CNTN5: variants seen among roughly 807,000 people sequenced by gnomAD.
The protein encoded by CNTN5 is contactin 5.
In CNTN5, 77 loss-of-function variants were observed where a neutral mutation model predicts 129.1. The ratio of observed to expected loss-of-function variants is 0.60; its 90% CI spans 0.50 to 0.72. CNTN5 has a LOEUF of 0.72. CNTN5 is among the 30% of genes least tolerant of loss of function. The pLI, the probability that CNTN5 is intolerant of heterozygous loss-of-function variation, is 0.00. For missense variants in CNTN5, 1,478 were observed against 1,328.8 expected (o/e 1.11, Z -1.75); for synonymous variants, 509 against 465.6 (o/e 1.09, Z -1.20).
intron 17 of CNTN5, among the ~76,000 whole-genome samples, chr11:100,257,336 G>C (rs979279603): frequency 1.3e-5 from 2 of 152,150 alleles, no homozygotes; most frequent in Non-Finnish European, 2.9e-5. Flanking sequence ...AGCACCAGGG[G>C]GAAGGGGCAG....
chr11:99,766,583 A>T (rs1944763329), intron 3 of CNTN5, among the ~76,000 whole-genome samples: 1 of 152,084 alleles, frequency 6.6e-6, no homozygotes, highest in Admixed American at 6.6e-5. Context: ...AGGTTGAGTT[A>T]CTTCAAGAGT....
intron 8 of CNTN5, among the ~76,000 whole-genome samples, chr11:99,963,773 A>T (rs1364700110): frequency 6.6e-6 from 1 of 152,176 alleles, no homozygotes; most frequent in Non-Finnish European, 1.5e-5. Context: ...CACAATATTG[A>T]TTCTTCCTAC....
intron 3 of CNTN5, among the ~76,000 whole-genome samples, chr11:99,656,939 C>T (rs990573168): frequency 3.7e-5 from 3 of 80,084 alleles, no homozygotes; most frequent in Admixed American, 1.7e-4. Context: ...TTAACCCAGA[C>T]ATTTTGAAAA....
chr11:99,799,502 C>T (rs1040915697), intron 3 of CNTN5, among the ~76,000 whole-genome samples: 2 of 151,746 alleles, frequency 1.3e-5, no homozygotes, highest in African/African-American at 4.8e-5. Context: ...CTTTTGAGAT[C>T]ATCATGTCGT....
intron 3 of CNTN5, among the ~76,000 whole-genome samples, chr11:99,614,569 G>A (rs1950699086): frequency 6.6e-6 from 1 of 152,148 alleles, no homozygotes; most frequent in Non-Finnish European, 1.5e-5. Flanking sequence ...GGGTTGGGAG[G>A]AGTTAGAGCT....
intron 9 of CNTN5, among the ~76,000 whole-genome samples, chr11:100,036,565 G>A (rs1040911031): frequency 6.9e-6 from 1 of 144,408 alleles, no homozygotes; most frequent in Non-Finnish European, 1.5e-5. Context: ...GGGCAGTATG[G>A]CCATTTTCAT....
chr11:99,885,639 T>C (rs1182428125), intron 6 of CNTN5, among the ~76,000 whole-genome samples: 2 of 152,168 alleles, frequency 1.3e-5, no homozygotes, highest in Admixed American at 1.3e-4. Context: ...AAGATATTGG[T>C]GAATTGACTA....
At chr11:99,670,654 C>A (rs756152252) in intron 3 of CNTN5, among the ~76,000 whole-genome samples, 1 of 152,206 alleles carries the variant, frequency 6.6e-6, no homozygotes. Flanking sequence ...ACAGCCAGAC[C>A]GAGTAGAGGA....
intron 3 of CNTN5, among the ~76,000 whole-genome samples, chr11:99,713,078 G>A (rs878877449): frequency 1.3e-5 from 2 of 152,016 alleles, no homozygotes; most frequent in African/African-American, 4.8e-5. Context: ...TTCGGGCAAT[G>A]TTGCCATTTT....
At chr11:99,049,478 A>T (rs956678868) in intron 1 of CNTN5, 1 of 152,164 alleles carries the variant, frequency 6.6e-6, no homozygotes, top group Admixed American at 6.6e-5. Context: ...TCTATTCATC[A>T]TTGCAGGATG....
intron 13 of CNTN5, among the ~76,000 whole-genome samples, chr11:100,114,507 T>A (rs2138132772): frequency 6.6e-6 from 1 of 152,264 alleles, no homozygotes; most frequent in South Asian, 2.1e-4. Context: ...TTAATAAAGT[T>A]CTGATTTGAT....
chr11:99,690,207 T>A (rs1953981778), intron 3 of CNTN5, among the ~76,000 whole-genome samples: 1 of 152,196 alleles, frequency 6.6e-6, no homozygotes, highest in African/African-American at 2.4e-5. Context: ...ATTGCTTGTT[T>A]TTGCCTGGTT....
intron 9 of CNTN5, among the ~76,000 whole-genome samples, chr11:100,018,003 G>T (rs1376261046): frequency 6.6e-6 from 1 of 151,876 alleles, no homozygotes; most frequent in Non-Finnish European, 1.5e-5. Context: ...GGTAAAATGG[G>T]TATAATAGAA....
intron 3 of CNTN5, among the ~76,000 whole-genome samples, chr11:99,788,295 C>T (rs1300222499): frequency 6.6e-6 from 1 of 151,848 alleles, no homozygotes; most frequent in Non-Finnish European, 1.5e-5. Context: ...GAATAAGTTT[C>T]CTTGTTAATA....
intron 1 of CNTN5, among the ~76,000 whole-genome samples, chr11:99,279,002 A>G (rs995378318): frequency 1.3e-5 from 2 of 151,708 alleles, no homozygotes; most frequent in African/African-American, 4.8e-5. Flanking sequence ...TATAATGTCA[A>G]GTGAAAATAT....
In CNTN5 at chr11:99,703,709, C is replaced by A. The variant is rs372456243; in HGVS notation, c.56-115835C>A. 4.6e-4 allele frequency among the ~76,000 whole-genome samples: 69 copies of A among 150,948 alleles called. No individual in the cohort carries two copies. In the South Asian group the frequency reaches 0.014, roughly 31 times the overall value. On this transcript the variant is annotated intron_variant, in intron 3 of 24. Transcript: ENST00000524871. ...TATCTAATGACATGTTCTATTAGTT[C>A]AATATGATGCTTATATTGATAAGAT...
chr11:99,526,115 A>G (rs960073563), intron 2 of CNTN5, among the ~76,000 whole-genome samples: 5 of 152,262 alleles, frequency 3.3e-5, no homozygotes, highest in African/African-American at 9.6e-5. Flanking sequence ...CTGTAAGGCT[A>G]TATTAAAACT....
At chr11:99,951,685 T>A (rs750852259) in intron 7 of CNTN5, among the ~76,000 whole-genome samples, 13 of 152,154 alleles carry the variant, frequency 8.5e-5, no homozygotes, top group Non-Finnish European at 1.3e-4. Context: ...TCTTTTTCTC[T>A]TTTGCTCATT....
At chr11:99,901,339 G>C (rs1253850972) in intron 6 of CNTN5, among the ~76,000 whole-genome samples, 1 of 151,862 alleles carries the variant, frequency 6.6e-6, no homozygotes, top group African/African-American at 2.4e-5. Flanking sequence ...TGGTCAGGCT[G>C]GAGTGCAGCG....
Sources: allele counts gnomAD v4.1 joint callset (sites outside exome capture counted in the v4.1 genomes callset), GRCh38; gene constraint gnomAD v4.1.1; transcripts MANE v1.5; gene names NCBI Gene and HGNC (gene_info 2026-07-23, HGNC 2026-07-21).